Variants in KALRN observed in about 807,000 individuals in gnomAD.
The protein encoded by KALRN is kalirin RhoGEF kinase.
KALRN carries 70 observed loss-of-function variants against 353.7 expected under a neutral mutation model. The ratio of observed to expected loss-of-function variants is 0.20; its 90% CI spans 0.16 to 0.24. The LOEUF (loss-of-function observed/expected upper bound fraction) is 0.24. Among genes scored for constraint, KALRN ranks in the 10% least tolerant of loss-of-function variants. The pLI is 1.00. For missense variants in KALRN, 2,791 were observed against 3,756.7 expected (o/e 0.74, Z 6.72); for synonymous variants, 1,391 against 1,434.8 (o/e 0.97, Z 0.69).
At chr3:124,626,335 A>G (rs1201296471) in intron 34 of KALRN, among the ~76,000 whole-genome samples, 1 of 152,222 alleles carries the variant, frequency 6.6e-6, no homozygotes, top group Non-Finnish European at 1.5e-5. Flanking sequence ...GCAACTGGGC[A>G]ACATAAAAGG....
chr3:124,202,428 C>T (rs921561583), intron 1 of KALRN, among the ~76,000 whole-genome samples: 1 of 152,018 alleles, frequency 6.6e-6, no homozygotes, highest in African/African-American at 2.4e-5. Context: ...TTTTTGTATT[C>T]TTTGTAGAAA....
rs1240241449 is a variant in KALRN, at chr3:124,702,668, G to A, written c.8075+552G>A. Among the ~76,000 whole-genome samples the A allele has an allele frequency of 2.0e-5, 3 of 152,104 alleles. No individual in the cohort carries two copies. In the East Asian group the frequency reaches 5.8e-4, roughly 29 times the overall value. On this transcript the variant is annotated intron_variant, in intron 57 of 59. Coordinates refer to ENST00000682506, the MANE Select transcript of KALRN (RefSeq NM_001388419.1). ...TGTAAAAATTTCCACATGTTCCTGG[G>A]AAGACTGTGCAATCACTAATTGTTG...
chr3:124,708,205 C>T (rs948350048), intron 57 of KALRN, among the ~76,000 whole-genome samples: 1 of 152,216 alleles, frequency 6.6e-6, no homozygotes, highest in Non-Finnish European at 1.5e-5. Context: ...CACAACATAA[C>T]ATTTGAAATG....
intron 45 of KALRN, among the ~76,000 whole-genome samples, chr3:124,664,371 G>GTGTGCGTGCGCGCGCA (rs780486751): frequency 1.3e-5 from 1 of 77,078 alleles, no homozygotes. Context: ...GTGTGTGTGT[G>GTGTGCGTGCGCGCGCA]CGCGCGCGCG....
intron 33 of KALRN, among the ~76,000 whole-genome samples, chr3:124,550,816 C>T (rs943218943): frequency 4.6e-5 from 7 of 151,982 alleles, no homozygotes; most frequent in African/African-American, 9.7e-5. Flanking sequence ...GGTGAAACCC[C>T]GTCTGTACTA....
chr3:124,375,441 C>T (rs1383451683), intron 10 of KALRN, among the ~76,000 whole-genome samples: 1 of 152,192 alleles, frequency 6.6e-6, no homozygotes, highest in African/African-American at 2.4e-5. Context: ...TCCTGGCTCC[C>T]CTAGGCCCAG....
intron 1 of KALRN, among the ~76,000 whole-genome samples, chr3:124,088,941 T>C (rs866158191): frequency 6.6e-6 from 1 of 152,108 alleles, no homozygotes; most frequent in Middle Eastern, 3.2e-3. Flanking sequence ...TCCAGCTTGA[T>C]GTGTATGTAG....
intron 1 of KALRN, among the ~76,000 whole-genome samples, chr3:124,189,740 C>A (rs2074671344): frequency 6.6e-6 from 1 of 152,204 alleles, no homozygotes; most frequent in South Asian, 2.1e-4. Context: ...GAGATTGAGA[C>A]CCTCCTGGCC....
chr3:124,319,475 G>A (rs1195284302), intron 6 of KALRN, among the ~76,000 whole-genome samples: 2 of 150,946 alleles, frequency 1.3e-5, no homozygotes, highest in Non-Finnish European at 2.9e-5. Flanking sequence ...GCTCCATCAG[G>A]TGTTTTGACA....
chr3:124,531,873 C>A (rs1470561010), intron 33 of KALRN, among the ~76,000 whole-genome samples: 1 of 152,136 alleles, frequency 6.6e-6, no homozygotes, highest in African/African-American at 2.4e-5. Flanking sequence ...TTCTACTCAC[C>A]CCTGTCCATG....
intron 1 of KALRN, among the ~76,000 whole-genome samples, chr3:124,217,576 C>A (rs2150571259): frequency 6.6e-6 from 1 of 152,288 alleles, no homozygotes. Flanking sequence ...GTATGTATAT[C>A]CCTCCAATGC....
intron 1 of KALRN, among the ~76,000 whole-genome samples, chr3:124,068,890 G>T (rs925239797): frequency 3.3e-5 from 5 of 152,202 alleles, no homozygotes; most frequent in Non-Finnish European, 7.3e-5. Context: ...GATGCATGAG[G>T]TAGTAATGTG....
chr3:124,279,045 C>T (rs1457562838), intron 5 of KALRN, among the ~76,000 whole-genome samples: 2 of 152,200 alleles, frequency 1.3e-5, no homozygotes, highest in Non-Finnish European at 2.9e-5. Context: ...CTTTTGTGCA[C>T]CTGTTCTCTC....
intron 1 of KALRN, among the ~76,000 whole-genome samples, chr3:124,039,186 AG>A (rs2039709765): frequency 6.6e-6 from 1 of 152,188 alleles, no homozygotes; most frequent in African/African-American, 2.4e-5. Context: ...ACACTGCCCA[AG>A]GGCTCCTGCA....
intron 1 of KALRN, among the ~76,000 whole-genome samples, chr3:124,060,760 G>T (rs1304200969): frequency 6.6e-6 from 1 of 152,240 alleles, no homozygotes; most frequent in Non-Finnish European, 1.5e-5. Flanking sequence ...CGGTGATGGT[G>T]CTGCCAACTC....
At chr3:124,594,339 C>T (rs4678131) in intron 34 of KALRN, among the ~76,000 whole-genome samples, 7,316 of 152,240 alleles carry the variant, frequency 0.048, 591 homozygotes, top group African/African-American at 0.16. Flanking sequence ...TATTCTGCTG[C>T]CTCAGCCTCC....
chr3:124,429,623 C>T (rs1465283891), intron 15 of KALRN, among the ~76,000 whole-genome samples: 1 of 152,164 alleles, frequency 6.6e-6, no homozygotes, highest in Non-Finnish European at 1.5e-5. Context: ...ATTATTTGCT[C>T]TGACTTTATT....
chr3:124,508,032 A>G (rs1484033275), intron 33 of KALRN, among the ~76,000 whole-genome samples: 4 of 152,180 alleles, frequency 2.6e-5, no homozygotes, highest in African/African-American at 9.7e-5. Flanking sequence ...ATATTACCTA[A>G]CTGAAAGTTA....
chr3:124,606,486 C>CCTTTCTTATAGGTATTT (rs2077362978), intron 34 of KALRN, among the ~76,000 whole-genome samples: 2 of 152,108 alleles, frequency 1.3e-5, no homozygotes, highest in Non-Finnish European at 1.5e-5. Flanking sequence ...AGTCCTGTCT[C>CCTTTCTTATAGGTATTT]CTTAAAAATA....
Sources: gnomAD v4.1 joint callset for allele counts (sites outside exome capture counted in the v4.1 genomes callset) on GRCh38, gnomAD v4.1.1 for gene constraint, MANE v1.5 for transcripts, NCBI Gene and HGNC (gene_info 2026-07-23, HGNC 2026-07-21) for gene names.